The following SUSD3 variants were observed in gnomAD, a reference collection of about 807,000 sequenced individuals.
The protein encoded by SUSD3 is sushi domain containing 3, also known as sushi domain-containing protein 3.
A neutral mutation model predicts 20.6 loss-of-function variants in SUSD3; 18 were observed. The ratio of observed to expected loss-of-function variants is 0.87; its 90% confidence interval spans 0.60 to 1.30. The LOEUF is 1.30. Ranked by LOEUF, SUSD3 falls within the 50% of genes most tolerant of loss-of-function variation. The pLI is 0.00. For missense variants in SUSD3, 306 were observed against 346.9 expected (o/e 0.88, Z 0.94); for synonymous variants, 137 against 141.5 (o/e 0.97, Z 0.23).
intron 1 of SUSD3, chr9:93,069,201 C>A: frequency 1.4e-6 from 1 of 695,932 alleles, no homozygotes; most frequent in African/African-American, 1.7e-5. Flanking sequence ...TCTCACCCAT[C>A]CCGCTCCACC....
In SUSD3 at chr9:93,075,930, GGGAGCATCGCTGA is replaced by G; in HGVS notation, c.237_249del (p.Ser80GlyfsTer23). The G allele has an allele frequency of 6.2e-7, 1 of 1,613,102 alleles. No individual in the cohort carries two copies. The highest frequency in any genetic ancestry group is 8.5e-7 in the Non-Finnish European group (1 of 1,179,360). On this transcript the variant is annotated frameshift_variant, in exon 2 of 5. Transcript: ENST00000375472. LOFTEE classifies it high-confidence loss of function. ...TGGGCTCCTCACCTGCACCTGGAAGGGGAGCATCGCTGAGTGGTCTTCAGGGTCCCCAGTGTGC... is the reference window on the plus strand; with the variant it reads ...TGGGCTCCTCACCTGCACCTGGAAGGGTGGTCTTCAGGGTCCCCAGTGTGC...
At chr9:93,068,757 A>C (rs1304678653) in intron 1 of SUSD3, among the ~76,000 whole-genome samples, 4 of 152,232 alleles carry the variant, frequency 2.6e-5, no homozygotes, top group Non-Finnish European at 5.9e-5. Flanking sequence ...AGTTTGGAGA[A>C]TACAGTAGAT....
chr9:93,083,600 G>A (rs907675619), intron 4 of SUSD3, among the ~76,000 whole-genome samples: 1 of 152,194 alleles, frequency 6.6e-6, no homozygotes, highest in Non-Finnish European at 1.5e-5. Context: ...CGTTTTCCAG[G>A]TGAAGAACTA....
chr9:93,061,106 C>G (rs1366309896), intron 1 of SUSD3, among the ~76,000 whole-genome samples: 2 of 152,198 alleles, frequency 1.3e-5, no homozygotes, highest in African/African-American at 4.8e-5. Context: ...CCAGGTCAGC[C>G]CCAGCACTCC....
intron 1 of SUSD3, among the ~76,000 whole-genome samples, chr9:93,074,410 C>T (rs569508129): frequency 2.1e-4 from 26 of 122,212 alleles, no homozygotes; most frequent in Admixed American, 4.1e-4. Flanking sequence ...CCAGCCTGGG[C>T]GACAGGGCAA....
intron 1 of SUSD3, among the ~76,000 whole-genome samples, chr9:93,063,611 G>GC (rs1226556176): frequency 1.3e-5 from 2 of 152,156 alleles, no homozygotes; most frequent in African/African-American, 4.8e-5. Context: ...GCCTCCCTGT[G>GC]CCCCCTTGGC....
chr9:93,075,078 A>T (rs1002761280), intron 1 of SUSD3, among the ~76,000 whole-genome samples: 7 of 152,188 alleles, frequency 4.6e-5, no homozygotes, highest in South Asian at 2.1e-4. Context: ...TACCTCACCG[A>T]CGCAGGAAAA....
intron 4 of SUSD3, 132 bp from the exon 5 acceptor site, chr9:93,084,405 A>T: frequency 1.3e-6 from 1 of 757,544 alleles, no homozygotes; most frequent in Non-Finnish European, 2.0e-6. Context: ...GCAGGAGGAA[A>T]CGGGCTCCCC....
chr9:93,073,022 CAG>C (rs1267911030), intron 1 of SUSD3, among the ~76,000 whole-genome samples: 3 of 152,068 alleles, frequency 2.0e-5, no homozygotes, highest in African/African-American at 7.2e-5. Context: ...ACACAGAGGA[CAG>C]AGGAAGGTCG....
intron 4 of SUSD3, among the ~76,000 whole-genome samples, chr9:93,084,276 G>T (rs1438800232): frequency 6.6e-6 from 1 of 152,104 alleles, no homozygotes; most frequent in Non-Finnish European, 1.5e-5. Flanking sequence ...CCTTAGGGGG[G>T]CAAGTGTCTG....
intron 4 of SUSD3, among the ~76,000 whole-genome samples, chr9:93,082,098 C>T (rs1204498125): frequency 6.6e-6 from 1 of 152,240 alleles, no homozygotes; most frequent in Non-Finnish European, 1.5e-5. Flanking sequence ...TTGTTTCTTA[C>T]AGTAGCTACA....
intron 1 of SUSD3, among the ~76,000 whole-genome samples, chr9:93,070,487 TAA>T (rs1404482940): frequency 6.6e-6 from 1 of 152,174 alleles, no homozygotes; most frequent in African/African-American, 2.4e-5. Flanking sequence ...AGCCCGGGGA[TAA>T]AGAGCCAGGT....
intron 4 of SUSD3, among the ~76,000 whole-genome samples, chr9:93,081,852 C>G (rs1210587453): frequency 6.6e-6 from 1 of 152,210 alleles, no homozygotes; most frequent in African/African-American, 2.4e-5. Flanking sequence ...CTTCCAATAT[C>G]TGCTAGACCC....
intron 1 of SUSD3, among the ~76,000 whole-genome samples, chr9:93,073,923 G>A (rs1478684328): frequency 6.6e-6 from 1 of 152,152 alleles, no homozygotes; most frequent in Non-Finnish European, 1.5e-5. Flanking sequence ...TAAGAGCCGT[G>A]TGACTGCAAA....
chr9:93,063,525 A>T (rs1016136640), intron 1 of SUSD3, among the ~76,000 whole-genome samples: 7 of 152,150 alleles, frequency 4.6e-5, no homozygotes, highest in Non-Finnish European at 1.0e-4. Context: ...ACTGGGGGCT[A>T]AGAGGGGGCA....
In SUSD3 at chr9:93,075,841, A is replaced by G. The variant is rs781461989; in HGVS notation, c.146A>G (p.Asn49Ser). The G allele has an allele frequency of 2.5e-6, 4 of 1,609,722 alleles. No individual in the cohort carries two copies. The highest frequency in any genetic ancestry group is 2.2e-5 in the East Asian group (1 of 44,506). ...GCAACCTTCCAAGTCCTTCGTGGCA[A>G]TGGTGCTTCCGTGGGGACCGTGCTC... The part of the protein sequence containing the change: ...PQATFQVLRG[N>S]GASVGTVLMF... The change falls in exon 2 of 5, where the codon AAT becomes AGT. Residue 49 changes from asparagine to serine, a missense_variant. Transcript: ENST00000375472.
chr9:93,075,755 C>CA, intron 1 of SUSD3, 29 bp from the exon 2 acceptor site: 1 of 474,314 alleles, frequency 2.1e-6, no homozygotes, highest in Non-Finnish European at 3.5e-6. Context: ...CCCCCCCCCG[C>CA]CATGCCTCAT....
intron 4 of SUSD3, among the ~76,000 whole-genome samples, chr9:93,084,277 C>A (rs1324817278): frequency 1.3e-5 from 2 of 152,208 alleles, no homozygotes; most frequent in Non-Finnish European, 2.9e-5. Context: ...CTTAGGGGGG[C>A]AAGTGTCTGA....
intron 1 of SUSD3, among the ~76,000 whole-genome samples, chr9:93,063,519 G>T (rs1825585293): frequency 6.6e-6 from 1 of 152,154 alleles, no homozygotes; most frequent in African/African-American, 2.4e-5. Flanking sequence ...CACCCAACTG[G>T]GGGCTAAGAG....
Sources: gnomAD v4.1 joint callset for allele counts (sites outside exome capture counted in the v4.1 genomes callset) on GRCh38, gnomAD v4.1.1 for gene constraint, MANE v1.5 for transcripts, NCBI Gene and HGNC (gene_info 2026-07-23, HGNC 2026-07-21) for gene names.